Variants in SLC45A4 observed in about 807,000 individuals in gnomAD.
SLC45A4 encodes solute carrier family 45 member 4.
In SLC45A4, 32 loss-of-function variants were observed where a neutral mutation model predicts 63.7. The observed-to-expected ratio is 0.50, with a 90% CI of 0.38 to 0.67. The LOEUF is 0.67. SLC45A4 is among the 30% of genes least tolerant of loss of function. The pLI, the probability that SLC45A4 is intolerant of heterozygous loss-of-function variation, is 0.00. For missense variants in SLC45A4, 1,027 were observed against 1,157.7 expected (o/e 0.89, Z 1.64); for synonymous variants, 535 against 510.0 (o/e 1.05, Z -0.66).
chr8:141,237,206 A>G (rs35938808), intron 2 of SLC45A4, among the ~76,000 whole-genome samples: 20,550 of 152,210 alleles, frequency 0.14, 1,691 homozygotes, highest in East Asian at 0.29. Context: ...ATATTGAAAA[A>G]AGGCAGAATC....
At chr8:141,235,462 G>A (rs1827579688) in intron 2 of SLC45A4, among the ~76,000 whole-genome samples, 1 of 152,210 alleles carries the variant, frequency 6.6e-6, no homozygotes, top group Non-Finnish European at 1.5e-5. Context: ...GTATTCTGGA[G>A]AATATGAAGG....
chr8:141,279,601 G>T (rs1476317126), intron 1 of SLC45A4, among the ~76,000 whole-genome samples: 4 of 152,206 alleles, frequency 2.6e-5, no homozygotes, highest in African/African-American at 7.2e-5. Context: ...GCATTCCCGA[G>T]AAGCCTGCCA....
rs534714946 is a variant in SLC45A4, at chr8:141,208,519, G to A, written c.*3053C>T. 86 of 152,378 alleles carry A rather than the reference G, an allele frequency of 5.6e-4. 1 individual carries two copies. The highest frequency in any genetic ancestry group is 1.9e-3 in the African/African-American group (78 of 41,496). 9.4% of individuals were successfully genotyped at this position (152,378 alleles called of 1,614,324 possible). A position where few individuals can be genotyped will look rare whatever the true frequency, so the allele number is the denominator to read the frequency against. On this transcript the variant is annotated 3_prime_UTR_variant, in exon 9 of 9. Transcript: ENST00000517878. ...GGCTCAGTGGCCCTGCCTCCCCCCCGGGGACAGGACTGGACAGAGTGCTTC... is the reference window on the plus strand; with the variant it reads ...GGCTCAGTGGCCCTGCCTCCCCCCCAGGGACAGGACTGGACAGAGTGCTTC...
rs546117000 is a variant in SLC45A4 at position 141,233,016 on chromosome 8, G to A, written c.242-11251C>T. Among the ~76,000 whole-genome samples, 157 of 152,350 alleles carry A rather than the reference G, an allele frequency of 1.0e-3. 4 individuals are homozygous for A. In the South Asian group the frequency reaches 0.03, roughly 29 times the overall value. Reference sequence around the variant, plus strand: ...CAGCGCTGAGCGGCACCTCTGCCCCGCAGGTACAGCAGGCAGACACACCAA... The same window carrying A: ...CAGCGCTGAGCGGCACCTCTGCCCCACAGGTACAGCAGGCAGACACACCAA... On this transcript the variant is annotated intron_variant, in intron 2 of 8. Transcript: ENST00000517878.
intron 2 of SLC45A4, among the ~76,000 whole-genome samples, chr8:141,241,752 C>T (rs1386892377): frequency 6.6e-6 from 1 of 152,084 alleles, no homozygotes; most frequent in Non-Finnish European, 1.5e-5. Flanking sequence ...CCAAGCCTTT[C>T]CTCCCAGGCC....
intron 2 of SLC45A4, among the ~76,000 whole-genome samples, chr8:141,233,827 T>C (rs1827489848): frequency 6.6e-6 from 1 of 152,238 alleles, no homozygotes; most frequent in Admixed American, 6.5e-5. Flanking sequence ...CCCGTTTTGC[T>C]GGTGCAGGGC....
chr8:141,219,908 A>AG, intron 3 of SLC45A4, 79 bp from the exon 4 acceptor site: 1 of 1,379,540 alleles, frequency 7.2e-7, no homozygotes, highest in Non-Finnish European at 9.6e-7. Context: ...GCCACATGGA[A>AG]GGGGCATGCG....
Position 141,211,175 on chromosome 8 carries a change from T to G in SLC45A4, c.*397A>C, listed in dbSNP as rs1825781242. On this transcript the variant is annotated 3_prime_UTR_variant, in exon 9 of 9. Coordinates refer to ENST00000517878, the MANE Select transcript of SLC45A4 (RefSeq NM_001286646.2). ...TTGGGAGGCAGGGCCCGCTGGGAGC[T>G]CTGCTCTCAGGAATCCCCAGCAAAT... 9 of 359,162 alleles carry G rather than the reference T, an allele frequency of 2.5e-5. No individual in the cohort carries two copies. The South Asian group carries it at 8.1e-4, about 32-fold the overall frequency. 22.2% of individuals were successfully genotyped at this position (359,162 alleles called of 1,614,324 possible).
rs372291928 is a variant in SLC45A4 at position 141,234,897 on chromosome 8, G to A, written c.242-13132C>T. Reference sequence around the variant, plus strand: ...ACTGTGAGCTTTTGCTCCCCAGCCTGGAACGGCTGTCCCCCTTGGTGACCA... The same window carrying A: ...ACTGTGAGCTTTTGCTCCCCAGCCTAGAACGGCTGTCCCCCTTGGTGACCA... On this transcript the variant is annotated intron_variant, in intron 2 of 8. Transcript: ENST00000517878. Among the ~76,000 whole-genome samples the A allele has an allele frequency of 5.9e-5, 9 of 152,210 alleles. No homozygotes were observed. The East Asian group carries it at 1.5e-3, about 26-fold the overall frequency.
chr8:141,292,929 T>C lies in SLC45A4; in HGVS notation c.-401+15167A>G, dbSNP rs556762111. The C allele has an allele frequency of 6.6e-5, 10 of 152,074 alleles. No individual in the cohort carries two copies. The East Asian group carries it at 1.9e-3, about 29-fold the overall frequency. The allele number at this position is 152,074 out of a possible 1,614,324, so 9.4% of individuals were successfully genotyped here. ...GGCTCTAAACTGCAGGACAGATGAG[T>C]GCGCAGATGCCTGACTCTGGGACAC... On this transcript the variant is annotated intron_variant, in intron 1 of 8. Coordinates refer to ENST00000517878, the MANE Select transcript of SLC45A4 (RefSeq NM_001286646.2).
At chr8:141,237,783 T>C (rs1465333689) in intron 2 of SLC45A4, among the ~76,000 whole-genome samples, 2 of 152,114 alleles carry the variant, frequency 1.3e-5, no homozygotes, top group Admixed American at 6.5e-5. Flanking sequence ...CACGTGCTCG[T>C]ATCTCCAAGT....
rs1428292458 is a variant in SLC45A4 at position 141,217,898 on chromosome 8, C to T, written c.1629+113G>A. The stretch of plus-strand genomic sequence containing the variant: ...ACCTGCACGGGAGGCACTGTGTGGC[C>T]TCCCTGACACGCGTGGGCACGAGGA... On this transcript the variant is annotated intron_variant, in intron 5 of 8. Coordinates refer to ENST00000517878, the MANE Select transcript of SLC45A4 (RefSeq NM_001286646.2). 1.2e-5 allele frequency: 16 copies of T among 1,315,900 alleles called. No homozygotes were observed. The African/African-American group carries it at 1.5e-4, about 12-fold the overall frequency. 81.5% of individuals were successfully genotyped at this position (1,315,900 alleles called of 1,614,324 possible).
In SLC45A4 at chr8:141,215,831, G is replaced by A. The variant is rs761542314; in HGVS notation, c.1869C>T (p.Thr623=). 1.1e-5 allele frequency: 17 copies of A among 1,614,028 alleles called. No individual in the cohort carries two copies. Among genetic ancestry groups the A allele is most frequent in the Non-Finnish European group, 1.4e-5 (16 of 1,180,026 alleles). Residue 623 remains threonine, a synonymous_variant, in exon 7 of 9, where the codon ACC becomes ACT. Coordinates refer to ENST00000517878, the MANE Select transcript of SLC45A4 (RefSeq NM_001286646.2). This position sits in a 1 kb window ranked among gnomAD's most constrained non-coding sequence, Gnocchi z 4.3. ...NVYVAMVTIS[T]MGIVSMSISY... The stretch of plus-strand genomic sequence containing the variant: ...AGATGCTCATGGAGACGATGCCCAT[G>A]GTGCTGATGGTGACCATGGCGACGT...
intron 2 of SLC45A4, among the ~76,000 whole-genome samples, chr8:141,234,129 T>C (rs1452386876): frequency 6.6e-6 from 1 of 152,084 alleles, no homozygotes; most frequent in East Asian, 1.9e-4. Flanking sequence ...CCTGAGGGAG[T>C]GGGGACTGTT....
intron 2 of SLC45A4, among the ~76,000 whole-genome samples, chr8:141,240,358 CT>C (rs1827851870): frequency 6.6e-6 from 1 of 152,168 alleles, no homozygotes; most frequent in Non-Finnish European, 1.5e-5. Context: ...TCCTTTTCCC[CT>C]GAGTATACTT....
At position 141,218,327 on chromosome 8, in the gene SLC45A4, T is replaced by C; in HGVS notation, c.1313A>G (p.Tyr438Cys). 2 of 1,607,696 alleles carry C rather than the reference T, an allele frequency of 1.2e-6. No individual in the cohort carries two copies. The highest frequency in any genetic ancestry group is 1.7e-6 in the Non-Finnish European group (2 of 1,179,840). The change falls in exon 5 of 9, where the codon TAC becomes TGC. Residue 438 changes from tyrosine to cysteine, a missense_variant. Transcript: ENST00000517878. ...SYYGKLGSHC[Y>C]RYRRANAVVL... ...CACGGCGTTGGCGCGCCGGTAGCGG[T>C]AGCAGTGGGACCCAAGCTTGCCGTA...
Position 141,215,711 on chromosome 8 carries a change from G to GGCA in SLC45A4, c.1941+45_1941+47dup. 1 of 1,576,820 alleles carries GGCA rather than the reference G, an allele frequency of 6.3e-7. No homozygotes were observed. ...AGGGCTCTGCTCTGTATGGAGGGAA[G>GGCA]GCACTCAGGAGGCTGGAGCGCAGAT... On this transcript the variant is annotated intron_variant, in intron 7 of 8. Coordinates refer to ENST00000517878, the MANE Select transcript of SLC45A4 (RefSeq NM_001286646.2). The surrounding 1 kb of genome is among the most constrained non-coding windows in gnomAD (Gnocchi z 4.3).
In SLC45A4 at chr8:141,253,232, T is replaced by C. The variant is rs113259990; in HGVS notation, c.241+757A>G. The C allele has an allele frequency of 4.5e-3, 719 of 158,490 alleles. 24 individuals carry two copies. The highest frequency in any genetic ancestry group is 6.2e-3 in the South Asian group (52 of 8,402). The allele number at this position is 158,490 out of a possible 1,614,324, so 9.8% of individuals were successfully genotyped here. On this transcript the variant is annotated intron_variant, in intron 2 of 8. Transcript: ENST00000517878. Reference sequence around the variant, plus strand: ...TCATGCCCACCTGCGTGTCTGTGAATTTCCGTGTTTTCATGCCCACCTGTG... The same window carrying C: ...TCATGCCCACCTGCGTGTCTGTGAACTTCCGTGTTTTCATGCCCACCTGTG...
At chr8:141,238,198 G>A (rs1017192994) in intron 2 of SLC45A4, among the ~76,000 whole-genome samples, 30 of 152,228 alleles carry the variant, frequency 2.0e-4, no homozygotes, top group Non-Finnish European at 4.3e-4. Flanking sequence ...AGAGTGGGCA[G>A]TCGCAGCTCC....
Sources: gnomAD v4.1 joint callset for allele counts (sites outside exome capture counted in the v4.1 genomes callset) on GRCh38, gnomAD v4.1.1 for gene constraint, Gnocchi (gnomAD v3.1) non-coding constraint, MANE v1.5 for transcripts, NCBI Gene and HGNC (gene_info 2026-07-23, HGNC 2026-07-21) for gene names.